The following IGSF3 variants were observed in gnomAD, a reference collection of about 807,000 sequenced individuals.
The protein encoded by IGSF3 is immunoglobulin superfamily member 3, also known as glu-Trp-Ile EWI motif-containing protein 3.
IGSF3 carries 23 observed loss-of-function variants against 114.4 expected under a neutral mutation model. That is an observed-to-expected ratio of 0.20 (90% CI 0.14 to 0.28). IGSF3 has a LOEUF of 0.28. Among genes scored for constraint, IGSF3 ranks in the 10% least tolerant of loss-of-function variants. The pLI, the probability that IGSF3 is intolerant of heterozygous loss-of-function variation, is 1.00. For synonymous variants in IGSF3, 571 were observed against 645.2 expected, an observed-to-expected ratio of 0.88 and a Z score of 1.74; for missense variants, 1,172 against 1,591.5, an observed-to-expected ratio of 0.74 and a Z score of 4.48.
chr1:116,590,877 G>C (rs1481868036), intron 7 of IGSF3, among the ~76,000 whole-genome samples: 1 of 152,150 alleles, frequency 6.6e-6, no homozygotes, highest in East Asian at 1.9e-4. Context: ...CCAAGGTGTG[G>C]CAAAGTCCAA....
At chr1:116,641,989 G>A (rs1056634015) in intron 2 of IGSF3, among the ~76,000 whole-genome samples, 3 of 151,574 alleles carry the variant, frequency 2.0e-5, no homozygotes, top group Non-Finnish European at 2.9e-5. Context: ...ACAGTGTCTC[G>A]AACTCCTGGG....
At chr1:116,613,006 T>C (rs949618742) in intron 4 of IGSF3, among the ~76,000 whole-genome samples, 1 of 152,196 alleles carries the variant, frequency 6.6e-6, no homozygotes, top group Non-Finnish European at 1.5e-5. Flanking sequence ...AAAGACATCA[T>C]GCAACCTCCT....
In IGSF3 at chr1:116,607,288, AC is replaced by A. The variant is rs1179335765; in HGVS notation, c.1222+653del. Among the ~76,000 whole-genome samples the A allele has an allele frequency of 1.4e-5, 2 of 145,838 alleles. No individual in the cohort carries two copies. The highest frequency in any genetic ancestry group is 5.3e-5 in the African/African-American group (2 of 38,090). On this transcript the variant is annotated intron_variant, in intron 5 of 10. Transcript: ENST00000369486. The surrounding 1 kb of genome is among the most constrained non-coding windows in gnomAD (Gnocchi z 6.1). ...TCTGGAATCCCTAGCAATGGCCACT[AC>A]CCACCCACACAAGGCCAGTCTACAT...
intron 2 of IGSF3, among the ~76,000 whole-genome samples, chr1:116,619,116 G>T (rs1661326575): frequency 6.6e-6 from 1 of 152,156 alleles, no homozygotes; most frequent in Non-Finnish European, 1.5e-5. Context: ...GTGCTCAAAT[G>T]AAATATCTTA....
In IGSF3 at chr1:116,593,209, G is replaced by T. The variant is rs1415081986; in HGVS notation, c.2030-4105C>A. The stretch of plus-strand genomic sequence containing the variant: ...CAGCCCCTGCTAAGTCAGAAAAACT[G>T]CGAGTAAGGCTCAGCAACCTGCAGT... On this transcript the variant is annotated intron_variant, in intron 7 of 10. Coordinates refer to ENST00000369486, the MANE Select transcript of IGSF3 (RefSeq NM_001007237.3). This position sits in a 1 kb window ranked among gnomAD's most constrained non-coding sequence, Gnocchi z 4.5. 6.6e-6 allele frequency among the ~76,000 whole-genome samples: 1 copy of T among 152,216 alleles called. No homozygotes were observed. Among genetic ancestry groups the T allele is most frequent in the African/African-American group, 2.4e-5 (1 of 41,458 alleles).
chr1:116,638,207 T>C lies in IGSF3; in HGVS notation c.44-21750A>G, dbSNP rs1451694105. Among the ~76,000 whole-genome samples, 1 of 152,190 alleles carries C rather than the reference T, an allele frequency of 6.6e-6. No homozygotes were observed. Among genetic ancestry groups the C allele is most frequent in the Non-Finnish European group, 1.5e-5 (1 of 68,046 alleles). The stretch of plus-strand genomic sequence containing the variant: ...GCCAAAGATTGTAGCTCCCTCTCTT[T>C]TGTTCTTTCATCAAGCCAGGGACTC... On this transcript the variant is annotated intron_variant, in intron 2 of 10. Transcript: ENST00000369486. This position sits in a 1 kb window ranked among gnomAD's most constrained non-coding sequence, Gnocchi z 4.1.
intron 2 of IGSF3, 47 bp downstream of exon 2, chr1:116,666,234 GAGC>G (rs1487840038): frequency 6.5e-7 from 1 of 1,533,142 alleles, no homozygotes; most frequent in Non-Finnish European, 9.0e-7. Flanking sequence ...CAGGAACCAA[GAGC>G]AGGTTAAACT....
chr1:116,660,474 C>A (rs995431933), intron 2 of IGSF3, among the ~76,000 whole-genome samples: 17 of 130,134 alleles, frequency 1.3e-4, no homozygotes, highest in Admixed American at 8.7e-4. Context: ...CCTATGTATG[C>A]TTTTCTTTTT....
At chr1:116,587,070 G>A (rs778003919) in intron 8 of IGSF3, among the ~76,000 whole-genome samples, 6 of 152,010 alleles carry the variant, frequency 3.9e-5, no homozygotes, top group Non-Finnish European at 5.9e-5. Flanking sequence ...CAGGGCACAG[G>A]CCACATGTGG....
At chr1:116,637,463 T>C (rs2101048687) in intron 2 of IGSF3, among the ~76,000 whole-genome samples, 1 of 152,316 alleles carries the variant, frequency 6.6e-6, no homozygotes, top group Middle Eastern at 3.4e-3. Flanking sequence ...CCCTGTGTCT[T>C]ACAAACAGGT....
At chr1:116,653,163 G>A (rs189101292) in intron 2 of IGSF3, among the ~76,000 whole-genome samples, 251 of 152,316 alleles carry the variant, frequency 1.6e-3, no homozygotes, top group African/African-American at 5.3e-3. Flanking sequence ...TAAGAGATTA[G>A]TTACTTAAAA....
At chr1:116,656,049 A>G (rs1302314112) in intron 2 of IGSF3, among the ~76,000 whole-genome samples, 3 of 152,194 alleles carry the variant, frequency 2.0e-5, no homozygotes, top group African/African-American at 7.2e-5. Flanking sequence ...AAATAACCAA[A>G]TCAGTTCTGA....
intron 5 of IGSF3, among the ~76,000 whole-genome samples, chr1:116,606,921 A>G (rs1008939992): frequency 2.0e-5 from 3 of 152,268 alleles, no homozygotes; most frequent in Non-Finnish European, 4.4e-5. Flanking sequence ...AATAATAAGC[A>G]TAAAAAGAAA....
chr1:116,643,648 G>A (rs1648210863), intron 2 of IGSF3, among the ~76,000 whole-genome samples: 2 of 152,242 alleles, frequency 1.3e-5, no homozygotes, highest in Admixed American at 6.5e-5. Context: ...AAGGGCAGGT[G>A]GCTTCCTGGG....
chr1:116,577,476 T>C lies in IGSF3; in HGVS notation c.3421A>G (p.Ile1141Val), dbSNP rs1659400452. 1.9e-6 allele frequency: 3 copies of C among 1,613,966 alleles called. No homozygotes were observed. In the Admixed American group the frequency reaches 5.0e-5, roughly 27 times the overall value. ...AAACGCACCAGAAGGATGGTGATGA[T>C]AAGAATGCCAAAGATGGGGAAAGGG... Reference protein sequence around the residue: ...FYPFPIFGILIITILLVRFKS... With the variant: ...FYPFPIFGILVITILLVRFKS... Residue 1141 changes from isoleucine (I) to valine (V), a missense_variant, in exon 11 of 11, where the codon ATC becomes GTC. By Grantham distance (29) the Ile-to-Val change is conservative. Transcript: ENST00000369486. This position sits in a 1 kb window ranked among gnomAD's most constrained non-coding sequence, Gnocchi z 5.7.
Position 116,603,937 on chromosome 1 carries a change from T to G in IGSF3, c.1311A>C (p.Ala437=). The change falls in exon 6 of 11, where the codon GCA becomes GCC. Residue 437 remains alanine, a synonymous_variant. Transcript: ENST00000369486. This position sits in a 1 kb window ranked among gnomAD's most constrained non-coding sequence, Gnocchi z 7.1. Reference sequence around the variant, plus strand: ...CAGAGAAGCGACCCTGCGGCCTGCCTGCCGTGCGGACACTGCAGGAGAAGC... The same window carrying G: ...CAGAGAAGCGACCCTGCGGCCTGCCGGCCGTGCGGACACTGCAGGAGAAGC... ...DLRFSCSVRT[A]GRPQGRFSVI... is the part of the protein sequence containing the mutation. The G allele has an allele frequency of 6.2e-7, 1 of 1,613,980 alleles. No individual in the cohort carries two copies. The highest frequency in any genetic ancestry group is 2.2e-5 in the East Asian group (1 of 44,894).
In IGSF3 at chr1:116,589,850, G is replaced by A. The variant is rs1660022352; in HGVS notation, c.2030-746C>T. Reference sequence around the variant, plus strand: ...CTCGGTTTCCCACAGGATGCTAAGTGCTGGGGATGCCCTGAAGAGTAAGCC... The same window carrying A: ...CTCGGTTTCCCACAGGATGCTAAGTACTGGGGATGCCCTGAAGAGTAAGCC... On this transcript the variant is annotated intron_variant, in intron 7 of 10. Coordinates refer to ENST00000369486, the MANE Select transcript of IGSF3 (RefSeq NM_001007237.3). The surrounding 1 kb of genome is among the most constrained non-coding windows in gnomAD (Gnocchi z 5.7). Among the ~76,000 whole-genome samples, 1 of 152,322 alleles carries A rather than the reference G, an allele frequency of 6.6e-6. No individual in the cohort carries two copies. The highest frequency in any genetic ancestry group is 2.4e-5 in the African/African-American group (1 of 41,560).
chr1:116,643,004 C>T (rs1648177516), intron 2 of IGSF3, among the ~76,000 whole-genome samples: 1 of 152,214 alleles, frequency 6.6e-6, no homozygotes, highest in Non-Finnish European at 1.5e-5. Flanking sequence ...CCACAGGGAT[C>T]CACCATCCAG....
At chr1:116,645,882 A>T (rs888352755) in intron 2 of IGSF3, among the ~76,000 whole-genome samples, 3 of 152,252 alleles carry the variant, frequency 2.0e-5, no homozygotes, top group Non-Finnish European at 2.9e-5. Context: ...GGCTGAGCAC[A>T]GCCAGACAGG....
Sources: gnomAD v4.1 joint callset for allele counts (sites outside exome capture counted in the v4.1 genomes callset) on GRCh38, gnomAD v4.1.1 for gene constraint, Gnocchi (gnomAD v3.1) non-coding constraint, MANE v1.5 for transcripts, NCBI Gene and HGNC (gene_info 2026-07-23, HGNC 2026-07-21) for gene names.